Variants in TCF12 observed in about 807,000 individuals in gnomAD.
TCF12 encodes transcription factor 12.
In TCF12, 45 loss-of-function variants were observed where a neutral mutation model predicts 86.0. The observed-to-expected ratio is 0.52, with a 90% CI of 0.41 to 0.67. TCF12 has a LOEUF of 0.67. TCF12 is among the 30% of genes least tolerant of loss of function. The probability of loss-of-function intolerance (pLI) is 0.00; values close to 1 mark genes in which losing one functional copy is unlikely to be tolerated. For missense variants in TCF12, 881 were observed against 859.9 expected (o/e 1.02, Z -0.31); for synonymous variants, 330 against 299.6 (o/e 1.10, Z -1.05).
chr15:57,130,142 T>C (rs554023384), intron 5 of TCF12, among the ~76,000 whole-genome samples: 1 of 152,362 alleles, frequency 6.6e-6, no homozygotes, highest in East Asian at 1.9e-4. Context: ...TTCCTTACAC[T>C]TTGACCTCTC....
intron 8 of TCF12, among the ~76,000 whole-genome samples, chr15:57,217,535 C>G (rs1340388200): frequency 6.6e-6 from 1 of 152,106 alleles, no homozygotes; most frequent in Non-Finnish European, 1.5e-5. Flanking sequence ...ATGGGCTTAA[C>G]TGTCATAGGT....
chr15:57,112,985 T>C (rs1367427859), intron 5 of TCF12, among the ~76,000 whole-genome samples: 3 of 152,238 alleles, frequency 2.0e-5, no homozygotes, highest in Non-Finnish European at 4.4e-5. Context: ...GAATTCTGCT[T>C]TTTCATGGTA....
chr15:56,997,406 G>A (rs2063772331), intron 3 of TCF12, among the ~76,000 whole-genome samples: 7 of 152,174 alleles, frequency 4.6e-5, no homozygotes. Context: ...ACTTACAAGT[G>A]AGAGCTAAAT....
chr15:57,269,555 C>T (rs2061033228), intron 18 of TCF12, among the ~76,000 whole-genome samples: 3 of 151,976 alleles, frequency 2.0e-5, no homozygotes, highest in Admixed American at 1.3e-4. Flanking sequence ...AGCTCATTTA[C>T]ATTTAAGGTT....
intron 10 of TCF12, 98 bp from the exon 11 acceptor site, chr15:57,232,614 C>A: frequency 6.9e-7 from 1 of 1,458,218 alleles, no homozygotes; most frequent in Admixed American, 2.2e-5. Context: ...TTAGCTGTAA[C>A]TTGTAAATGC....
At chr15:57,097,925 G>A (rs1259217044) in intron 5 of TCF12, among the ~76,000 whole-genome samples, 4 of 150,218 alleles carry the variant, frequency 2.7e-5, no homozygotes, top group African/African-American at 9.8e-5. Flanking sequence ...AGAGGCTGAG[G>A]CAGGTGGATC....
chr15:57,119,180 C>T (rs1259470140), intron 5 of TCF12, among the ~76,000 whole-genome samples: 1 of 152,138 alleles, frequency 6.6e-6, no homozygotes, highest in Non-Finnish European at 1.5e-5. Context: ...GCAATCTCCA[C>T]CTCCCCAGTT....
rs2061991094 is a variant in TCF12, at chr15:57,288,114, T to A, written c.*1969T>A. On this transcript the variant is annotated 3_prime_UTR_variant, in exon 21 of 21. Coordinates refer to ENST00000333725, the MANE Select transcript of TCF12 (RefSeq NM_207037.2). Reference sequence around the variant, plus strand: ...CTTGAATTCTAAATATTACTCTTTCTAGATTTTTGAAATCAAAAAGTTTTC... The same window carrying A: ...CTTGAATTCTAAATATTACTCTTTCAAGATTTTTGAAATCAAAAAGTTTTC... 1 of 152,646 alleles carries A rather than the reference T, an allele frequency of 6.6e-6. No individual in the cohort carries two copies. The highest frequency in any genetic ancestry group is 1.5e-5 in the Non-Finnish European group (1 of 68,038). The allele number at this position is 152,646 out of a possible 1,614,324, so 9.5% of individuals were successfully genotyped here. A position where few individuals can be genotyped will look rare whatever the true frequency, so the allele number is the denominator to read the frequency against.
rs530981990 is a variant in TCF12, at chr15:57,190,335, A to G, written c.391-1823A>G. On this transcript the variant is annotated intron_variant, in intron 6 of 20. Transcript: ENST00000333725. ...TTAGACTGGAGGCAGAGATTGGGCT[A>G]TTAGGGCTACTGTTCCAAAGCTCTG... Among the ~76,000 whole-genome samples the G allele has an allele frequency of 5.3e-5, 8 of 152,314 alleles. No homozygotes were observed. In the South Asian group the frequency reaches 1.5e-3, roughly 28 times the overall value.
intron 4 of TCF12, among the ~76,000 whole-genome samples, chr15:57,088,697 G>A (rs2048803059): frequency 6.6e-6 from 1 of 152,016 alleles, no homozygotes; most frequent in African/African-American, 2.4e-5. Context: ...TAAGCCAGCA[G>A]CATCAGCATC....
At chr15:57,100,279 C>T (rs968981125) in intron 5 of TCF12, among the ~76,000 whole-genome samples, 3 of 152,192 alleles carry the variant, frequency 2.0e-5, no homozygotes, top group Non-Finnish European at 4.4e-5. Context: ...TGTAGCTTTA[C>T]AGTTCTGCTA....
At chr15:57,055,456 T>G (rs1372865548) in intron 3 of TCF12, among the ~76,000 whole-genome samples, 1 of 152,142 alleles carries the variant, frequency 6.6e-6, no homozygotes, top group Non-Finnish European at 1.5e-5. Flanking sequence ...TTTTAATATT[T>G]CTTATACCAA....
chr15:57,028,550 T>A (rs1205738929), intron 3 of TCF12, among the ~76,000 whole-genome samples: 1 of 152,194 alleles, frequency 6.6e-6, no homozygotes, highest in East Asian at 1.9e-4. Flanking sequence ...CAGCTTTTTG[T>A]TAAATTTAAA....
chr15:57,283,775 A>G (rs1401777750), intron 20 of TCF12, among the ~76,000 whole-genome samples: 4 of 152,176 alleles, frequency 2.6e-5, no homozygotes, highest in African/African-American at 9.7e-5. Context: ...ATAAACTACA[A>G]ATATTAGTAA....
intron 8 of TCF12, among the ~76,000 whole-genome samples, chr15:57,225,524 C>T (rs1393351678): frequency 6.6e-6 from 1 of 151,914 alleles, no homozygotes; most frequent in Non-Finnish European, 1.5e-5. Flanking sequence ...GGATTACAGG[C>T]GTGAGCCACT....
At chr15:56,974,822 C>A (rs1044602442) in intron 3 of TCF12, among the ~76,000 whole-genome samples, 8 of 151,856 alleles carry the variant, frequency 5.3e-5, no homozygotes, top group Admixed American at 6.6e-5. Context: ...TACTTAGATC[C>A]GCTTTCTAAG....
At position 57,091,882 on chromosome 15, in the gene TCF12, A is replaced by G. The variant is rs374578302; in HGVS notation, c.316A>G (p.Asn106Asp). The G allele has an allele frequency of 4.1e-5, 66 of 1,613,210 alleles. No homozygotes were observed. Among genetic ancestry groups the G allele is most frequent in the South Asian group, 8.8e-5 (8 of 91,038 alleles). The change falls in exon 5 of 21, where the codon AAT (asparagine) becomes GAT (aspartate). Residue 106 changes from asparagine (N) to aspartate (D), a missense_variant. Transcript: ENST00000333725. ...GLSPTPFMNS[N>D]LMGKTSERGS... is the part of the protein sequence containing the mutation. ...GTCCCCAACACCTTTCATGAACTCA[A>G]ATCTGATGGGTAAGTTGGTAATTCT... is the stretch of plus-strand genomic sequence containing the variant.
At chr15:57,212,706 T>C (rs1183581258) in intron 8 of TCF12, among the ~76,000 whole-genome samples, 3 of 152,172 alleles carry the variant, frequency 2.0e-5, no homozygotes, top group Admixed American at 2.0e-4. Context: ...AAATGTTTTA[T>C]TAGTGGTGAA....
chr15:57,190,650 C>T (rs2056932259), intron 6 of TCF12, among the ~76,000 whole-genome samples: 1 of 152,058 alleles, frequency 6.6e-6, no homozygotes, highest in Non-Finnish European at 1.5e-5. Flanking sequence ...AAAATTCTGC[C>T]AAACTAACCT....
Sources: allele counts gnomAD v4.1 joint callset (sites outside exome capture counted in the v4.1 genomes callset), GRCh38; gene constraint gnomAD v4.1.1; transcripts MANE v1.5; gene names NCBI Gene and HGNC (gene_info 2026-07-23, HGNC 2026-07-21).